VCL: variants seen among roughly 807,000 people sequenced by gnomAD.
VCL encodes vinculin, also known as epididymis luminal protein 114.
A neutral mutation model predicts 125.7 loss-of-function variants in VCL; 47 were observed. The ratio of observed to expected loss-of-function variants is 0.37; its 90% CI spans 0.30 to 0.48. VCL has a LOEUF of 0.48. Among genes scored for constraint, VCL ranks in the 20% least tolerant of loss-of-function variants. The pLI is 0.99. For missense variants in VCL, 1,069 were observed against 1,455.5 expected (o/e 0.73, Z 4.32); for synonymous variants, 458 against 514.6 (o/e 0.89, Z 1.49).
chr10:74,102,339 A>G (rs1840073586), intron 14 of VCL, among the ~76,000 whole-genome samples: 1 of 151,800 alleles, frequency 6.6e-6, no homozygotes. Context: ...AAGATTGGGA[A>G]AAAAAACCAA....
At chr10:74,037,131 C>T (rs892385140) in intron 1 of VCL, among the ~76,000 whole-genome samples, 1 of 152,114 alleles carries the variant, frequency 6.6e-6, no homozygotes, top group Admixed American at 6.6e-5. Flanking sequence ...ACGATGGTCT[C>T]CATCTCCTGA....
intron 2 of VCL, among the ~76,000 whole-genome samples, chr10:74,045,264 C>T (rs371418895): frequency 1.1e-4 from 13 of 123,600 alleles, no homozygotes; most frequent in East Asian, 2.6e-4. Flanking sequence ...GACAGAGAGA[C>T]GGATAGATAG....
chr10:74,096,132 T>C (rs1839964542), intron 12 of VCL, among the ~76,000 whole-genome samples: 1 of 141,666 alleles, frequency 7.1e-6, no homozygotes, highest in Non-Finnish European at 1.5e-5. Flanking sequence ...ATTTAGCCAA[T>C]ATTTTTCTTA....
intron 1 of VCL, 104 bp downstream of exon 1, chr10:73,998,479 G>C: frequency 8.2e-7 from 1 of 1,215,242 alleles, no homozygotes; most frequent in Admixed American, 4.3e-5. Flanking sequence ...GTGGCTTTCC[G>C]CGTGGGTTCC....
At chr10:74,095,939 A>G (rs1237179997) in intron 12 of VCL, 84 bp downstream of exon 12, 1 of 1,503,128 alleles carries the variant, frequency 6.7e-7, no homozygotes. Context: ...GTTTTGAAAA[A>G]TACATAATTT....
intron 1 of VCL, among the ~76,000 whole-genome samples, chr10:74,031,149 C>A (rs1044914047): frequency 1.3e-5 from 2 of 152,194 alleles, no homozygotes; most frequent in Non-Finnish European, 2.9e-5. Flanking sequence ...TATCATAGAT[C>A]CTCAATTATG....
chr10:74,007,954 C>G (rs1045692897), intron 1 of VCL, among the ~76,000 whole-genome samples: 3 of 152,172 alleles, frequency 2.0e-5, no homozygotes, highest in African/African-American at 7.2e-5. Context: ...AGGCACCCAC[C>G]ACCATGGACG....
chr10:74,065,427 G>A (rs1841553803), intron 2 of VCL, among the ~76,000 whole-genome samples: 1 of 152,036 alleles, frequency 6.6e-6, no homozygotes, highest in Admixed American at 6.6e-5. Flanking sequence ...GTGAGCCACT[G>A]TGCCTGGCCC....
chr10:74,117,666 C>T (rs1416972456), intron 21 of VCL, among the ~76,000 whole-genome samples: 2 of 152,122 alleles, frequency 1.3e-5, no homozygotes, highest in African/African-American at 4.8e-5. Context: ...AAAGAATGAG[C>T]AGGGAAATCC....
At chr10:74,011,473 G>A (rs1840435032) in intron 1 of VCL, among the ~76,000 whole-genome samples, 1 of 152,110 alleles carries the variant, frequency 6.6e-6, no homozygotes, top group South Asian at 2.1e-4. Context: ...TTTCTGAAGG[G>A]CAAGGAGTGG....
intron 2 of VCL, among the ~76,000 whole-genome samples, chr10:74,063,068 TA>T (rs1165591554): frequency 4.0e-5 from 6 of 151,342 alleles, no homozygotes; most frequent in Non-Finnish European, 8.8e-5. Context: ...AGACTTTGTC[TA>T]AAAAAAAGAA....
At chr10:74,021,705 G>A (rs1294322884) in intron 1 of VCL, among the ~76,000 whole-genome samples, 2 of 152,170 alleles carry the variant, frequency 1.3e-5, no homozygotes, top group African/African-American at 4.8e-5. Flanking sequence ...TCCTCAGTTA[G>A]TCTGCTGAAG....
intron 10 of VCL, among the ~76,000 whole-genome samples, chr10:74,090,497 G>A (rs1306533407): frequency 1.3e-5 from 2 of 152,100 alleles, no homozygotes; most frequent in Non-Finnish European, 2.9e-5. Flanking sequence ...CTAAGCTAGG[G>A]CTTTCTTTGA....
At chr10:74,007,329 C>T (rs1276436166) in intron 1 of VCL, among the ~76,000 whole-genome samples, 1 of 152,062 alleles carries the variant, frequency 6.6e-6, no homozygotes, top group Non-Finnish European at 1.5e-5. Flanking sequence ...TTTCACTGCA[C>T]CCTTTGAAAT....
intron 18 of VCL, among the ~76,000 whole-genome samples, chr10:74,110,034 A>AT (rs34439786): frequency 1.8e-3 from 279 of 151,900 alleles, no homozygotes; most frequent in African/African-American, 5.5e-3. Context: ...CTGATCTTGG[A>AT]TTTTTTTCAG....
intron 16 of VCL, among the ~76,000 whole-genome samples, chr10:74,106,634 T>TA (rs954532576): frequency 1.3e-5 from 2 of 152,210 alleles, no homozygotes; most frequent in African/African-American, 4.8e-5. Flanking sequence ...GGGGCTCCCC[T>TA]ATTCATCTCT....
chr10:74,049,637 A>G (rs1841262609), intron 2 of VCL, among the ~76,000 whole-genome samples: 1 of 152,110 alleles, frequency 6.6e-6, no homozygotes, highest in African/African-American at 2.4e-5. Flanking sequence ...AGAGGGGCAC[A>G]TGGTGGGGGT....
intron 10 of VCL, among the ~76,000 whole-genome samples, chr10:74,093,636 ATT>A: frequency 6.8e-6 from 1 of 147,988 alleles, no homozygotes; most frequent in African/African-American, 2.5e-5. Flanking sequence ...TCCACGAAAT[ATT>A]TTTTTTTTTA....
At chr10:74,002,181 A>C (rs2136220904) in intron 1 of VCL, among the ~76,000 whole-genome samples, 1 of 152,296 alleles carries the variant, frequency 6.6e-6, no homozygotes, top group African/African-American at 2.4e-5. Flanking sequence ...GTTGGAGTGC[A>C]GTGGCATGAT....
Sources: gnomAD v4.1 joint callset for allele counts (sites outside exome capture counted in the v4.1 genomes callset) on GRCh38, gnomAD v4.1.1 for gene constraint, MANE v1.5 for transcripts, NCBI Gene and HGNC (gene_info 2026-07-23, HGNC 2026-07-21) for gene names.